Variants in NAPB observed in about 807,000 individuals in gnomAD.
NAPB encodes beta-soluble NSF attachment protein.
Under a neutral mutation model 44.7 loss-of-function variants are expected in NAPB, and 26 were observed. The ratio of observed to expected loss-of-function variants is 0.58; its 90% confidence interval spans 0.43 to 0.81. The LOEUF (loss-of-function observed/expected upper bound fraction) is 0.81. Ranked by LOEUF, NAPB falls within the 30% of genes least tolerant of loss-of-function variation. The pLI, the probability that NAPB is intolerant of heterozygous loss-of-function variation, is 0.00. For synonymous variants in NAPB, 120 were observed against 116.8 expected (o/e 1.03, Z -0.18); for missense variants, 315 against 356.4 (o/e 0.88, Z 0.94).
intron 1 of NAPB, among the ~76,000 whole-genome samples, chr20:23,418,124 G>GA (rs1986132889): frequency 6.6e-6 from 1 of 152,170 alleles, no homozygotes; most frequent in South Asian, 2.1e-4. Context: ...GCCACAACCT[G>GA]AAAACAGATG....
chr20:23,394,898 T>G, intron 5 of NAPB, 24 bp downstream of exon 5: 2 of 1,606,692 alleles, frequency 1.2e-6, no homozygotes, highest in Non-Finnish European at 1.7e-6. Context: ...GCTTCACATC[T>G]GAGGAAGTGT....
rs1458622678 is a variant in NAPB, at chr20:23,374,872, GC to G, written c.*2503del. 5 of 152,432 alleles carry G rather than the reference GC, an allele frequency of 3.3e-5. No homozygotes were observed. In the South Asian group the frequency reaches 8.3e-4, roughly 25 times the overall value. 9.4% of individuals were successfully genotyped at this position (152,432 alleles called of 1,614,324 possible). A position where few individuals can be genotyped will look rare whatever the true frequency, so the allele number is the denominator to read the frequency against. ...AACTCACACAAGCTATAAAAATGTT[GC>G]CACAAAAAGCAAAACTTTCCTCTAA... On this transcript the variant is annotated 3_prime_UTR_variant, in exon 11 of 11. Transcript: ENST00000377026.
chr20:23,397,241 C>T, intron 2 of NAPB, 53 bp from the exon 3 acceptor site: 1 of 1,560,886 alleles, frequency 6.4e-7, no homozygotes. Context: ...CCCAGAGCAG[C>T]CCATGCTGTA....
At chr20:23,379,811 G>GTGT in intron 9 of NAPB, 56 bp downstream of exon 9, 1 of 1,315,102 alleles carries the variant, frequency 7.6e-7, no homozygotes, top group Middle Eastern at 1.8e-4. Flanking sequence ...TCCCACTTAG[G>GTGT]TGTTGTCACC....
chr20:23,402,261 G>A (rs1408025838), intron 2 of NAPB, among the ~76,000 whole-genome samples: 3 of 152,052 alleles, frequency 2.0e-5, no homozygotes, highest in East Asian at 3.9e-4. Context: ...CAACACCCAC[G>A]TCCCCTGCTC....
intron 1 of NAPB, among the ~76,000 whole-genome samples, chr20:23,414,290 C>G (rs1008369896): frequency 5.3e-5 from 8 of 152,092 alleles, no homozygotes; most frequent in Admixed American, 2.0e-4. Context: ...TCACTGCACT[C>G]CAGCCTGGTC....
chr20:23,388,755 A>C (rs1487885942), intron 7 of NAPB, among the ~76,000 whole-genome samples: 3 of 152,192 alleles, frequency 2.0e-5, no homozygotes, highest in Non-Finnish European at 4.4e-5. Context: ...ACAAAAATTA[A>C]CTCAAAATGG....
At chr20:23,383,537 G>A (rs1983213415) in intron 7 of NAPB, among the ~76,000 whole-genome samples, 1 of 152,108 alleles carries the variant, frequency 6.6e-6, no homozygotes, top group South Asian at 2.1e-4. Flanking sequence ...AAGCCATAAA[G>A]TGCACATTTT....
chr20:23,379,788 A>T, intron 9 of NAPB, 79 bp downstream of exon 9: 1 of 1,079,136 alleles, frequency 9.3e-7, no homozygotes, highest in African/African-American at 1.6e-5. Context: ...TTAAAACTTC[A>T]CTTCATACCC....
Position 23,421,451 on chromosome 20 carries a change from C to G in NAPB, c.-49G>C, listed in dbSNP as rs746725708. ...CCCCCTCAGCCGGCTCGCTGTGCGC[C>G]CAGGCGCCTTAACCCTCCCTCTGGC... On this transcript the variant is annotated 5_prime_UTR_variant, in exon 1 of 11. Transcript: ENST00000377026. 6.6e-7 allele frequency: 1 copy of G among 1,513,292 alleles called. No individual in the cohort carries two copies. The highest frequency in any genetic ancestry group is 1.2e-5 in the South Asian group (1 of 82,494). The allele number at this position is 1,513,292 out of a possible 1,614,324, so 93.7% of individuals were successfully genotyped here.
At chr20:23,382,855 G>A (rs1446075764) in intron 7 of NAPB, among the ~76,000 whole-genome samples, 1 of 152,068 alleles carries the variant, frequency 6.6e-6, no homozygotes, top group Non-Finnish European at 1.5e-5. Context: ...AGAAGGGGAG[G>A]AGAAAGAGAA....
chr20:23,414,307 G>A (rs1355484701), intron 1 of NAPB, among the ~76,000 whole-genome samples: 1 of 152,098 alleles, frequency 6.6e-6, no homozygotes, highest in East Asian at 1.9e-4. Context: ...GGTCAACAAA[G>A]TGAGACCCTG....
At chr20:23,400,216 G>A (rs140607747) in intron 2 of NAPB, among the ~76,000 whole-genome samples, 2 of 152,106 alleles carry the variant, frequency 1.3e-5, no homozygotes, top group South Asian at 4.1e-4. Context: ...ATGCTAGCTC[G>A]GTCTATCTAA....
chr20:23,388,627 A>C (rs1983707859), intron 7 of NAPB, among the ~76,000 whole-genome samples: 4 of 152,194 alleles, frequency 2.6e-5, no homozygotes, highest in Admixed American at 2.6e-4. Context: ...AATAATTTTC[A>C]ATAAGGGTCT....
chr20:23,406,227 A>G (rs936373840), intron 1 of NAPB, among the ~76,000 whole-genome samples: 3 of 152,190 alleles, frequency 2.0e-5, no homozygotes, highest in Non-Finnish European at 2.9e-5. Flanking sequence ...ACCCAGGCTA[A>G]GGTTATTGTG....
chr20:23,385,402 A>G (rs2123150070), intron 7 of NAPB, among the ~76,000 whole-genome samples: 1 of 152,346 alleles, frequency 6.6e-6, no homozygotes, highest in South Asian at 2.1e-4. Context: ...AAGAAGAGTC[A>G]GACAAATCCA....
chr20:23,419,013 C>G (rs1986205156), intron 1 of NAPB, among the ~76,000 whole-genome samples: 1 of 152,122 alleles, frequency 6.6e-6, no homozygotes, highest in Admixed American at 6.5e-5. Context: ...GTTTGGCCTA[C>G]TGCTTCTTTG....
At position 23,412,247 on chromosome 20, in the gene NAPB, C is replaced by A. The variant is rs557171341; in HGVS notation, c.98+9058G>T. ...AAGGGTAAAAGCCATGGCAGAAGTG[C>A]CTTCCACTCATACTTCATCAGTCAA... On this transcript the variant is annotated intron_variant, in intron 1 of 10. Transcript: ENST00000377026. Among the ~76,000 whole-genome samples the A allele has an allele frequency of 2.0e-5, 3 of 152,214 alleles. No homozygotes were observed. In the South Asian group the frequency reaches 6.2e-4, roughly 32 times the overall value.
At chr20:23,394,106 C>G (rs1436472328) in intron 5 of NAPB, among the ~76,000 whole-genome samples, 1 of 152,120 alleles carries the variant, frequency 6.6e-6, no homozygotes, top group Non-Finnish European at 1.5e-5. Flanking sequence ...AGCTGTTCCT[C>G]TTAGTGAAAG....
Sources: gnomAD v4.1 joint callset for allele counts (sites outside exome capture counted in the v4.1 genomes callset) on GRCh38, gnomAD v4.1.1 for gene constraint, MANE v1.5 for transcripts, NCBI Gene and HGNC (gene_info 2026-07-23, HGNC 2026-07-21) for gene names.